SH3GL2: variants seen among roughly 807,000 people sequenced by gnomAD.
SH3GL2 encodes the protein SH3 domain containing GRB2 like 2, endophilin A1.
In SH3GL2, 24 loss-of-function variants were observed where a neutral mutation model predicts 46.0. The ratio of observed to expected loss-of-function variants is 0.52; its 90% CI spans 0.38 to 0.73. The LOEUF is 0.73. Ranked by LOEUF, SH3GL2 falls within the 30% of genes least tolerant of loss-of-function variation. The probability of loss-of-function intolerance (pLI) is 0.00; values close to 1 mark genes in which losing one functional copy is unlikely to be tolerated. For synonymous variants in SH3GL2, 196 were observed against 147.1 expected (o/e 1.33, Z -2.40); for missense variants, 413 against 424.2 (o/e 0.97, Z 0.23).
At chr9:17,663,499 T>A (rs1820271795) in intron 1 of SH3GL2, among the ~76,000 whole-genome samples, 1 of 152,232 alleles carries the variant, frequency 6.6e-6, no homozygotes, top group East Asian at 1.9e-4. Flanking sequence ...TGGGTTTTAG[T>A]AATTTTGTGA....
rs181295165 is a variant in SH3GL2, at chr9:17,758,801, A to G, written c.115-2636A>G. Among the ~76,000 whole-genome samples the G allele has an allele frequency of 4.2e-4, 64 of 152,238 alleles. 1 individual carries two copies. The highest frequency in any genetic ancestry group is 1.3e-3 in the African/African-American group (55 of 41,552). On this transcript the variant is annotated intron_variant, in intron 2 of 8. Transcript: ENST00000380607. ...GTAATGATGCCTGGACTAGGTAACC[A>G]AAAGTGTTGAAGGAGTCTGCCTCAA...
intron 6 of SH3GL2, 38 bp from the exon 7 acceptor site, chr9:17,791,193 G>C (rs16935988): frequency 3.5e-6 from 5 of 1,420,262 alleles, no homozygotes; most frequent in East Asian, 2.3e-5. Context: ...GGATGGTAAC[G>C]TGTAAAACTA....
At chr9:17,596,660 C>T (rs530652063) in intron 1 of SH3GL2, among the ~76,000 whole-genome samples, 96 of 152,200 alleles carry the variant, frequency 6.3e-4, no homozygotes, top group African/African-American at 2.2e-3. Flanking sequence ...AACTTGAATG[C>T]GGAACATTGT....
chr9:17,644,988 T>C (rs1819771731), intron 1 of SH3GL2, among the ~76,000 whole-genome samples: 1 of 152,054 alleles, frequency 6.6e-6, no homozygotes, highest in African/African-American at 2.4e-5. Flanking sequence ...AAGAAGTTGC[T>C]TTATTAATCT....
chr9:17,729,075 C>T (rs1289501939), intron 1 of SH3GL2, among the ~76,000 whole-genome samples: 1 of 151,858 alleles, frequency 6.6e-6, no homozygotes, highest in Non-Finnish European at 1.5e-5. Context: ...CAAATTTATA[C>T]TCCAACTAAC....
At chr9:17,621,491 T>C (rs1038423039) in intron 1 of SH3GL2, among the ~76,000 whole-genome samples, 14 of 152,358 alleles carry the variant, frequency 9.2e-5, no homozygotes, top group African/African-American at 3.4e-4. Flanking sequence ...CTTTGTATCC[T>C]GTGTCTTTAT....
At chr9:17,615,384 CG>C (rs1818964987) in intron 1 of SH3GL2, among the ~76,000 whole-genome samples, 1 of 152,194 alleles carries the variant, frequency 6.6e-6, no homozygotes, top group East Asian at 1.9e-4. Context: ...TGGCTGGGTG[CG>C]GTGGCTCATG....
At chr9:17,686,057 A>T (rs1439500104) in intron 1 of SH3GL2, among the ~76,000 whole-genome samples, 95 of 141,522 alleles carry the variant, frequency 6.7e-4, no homozygotes, top group African/African-American at 2.6e-3. Flanking sequence ...ACAAAGGGCT[A>T]ATATCCAGAA....
chr9:17,678,474 A>T (rs1368864203), intron 1 of SH3GL2, among the ~76,000 whole-genome samples: 1 of 151,750 alleles, frequency 6.6e-6, no homozygotes, highest in Non-Finnish European at 1.5e-5. Flanking sequence ...CCACTTTTTG[A>T]TGGGGTTGTT....
chr9:17,757,080 T>A (rs1563841550), intron 2 of SH3GL2, among the ~76,000 whole-genome samples: 1 of 152,226 alleles, frequency 6.6e-6, no homozygotes, highest in Non-Finnish European at 1.5e-5. Flanking sequence ...TGGCCAGTGA[T>A]GATGAGCATT....
At chr9:17,746,238 G>C (rs1049832785) in intron 1 of SH3GL2, among the ~76,000 whole-genome samples, 1 of 152,108 alleles carries the variant, frequency 6.6e-6, no homozygotes, top group Admixed American at 6.5e-5. Context: ...ACCACGCCCA[G>C]CTAATTTTTT....
intron 1 of SH3GL2, among the ~76,000 whole-genome samples, chr9:17,733,446 C>T (rs1822237673): frequency 1.3e-5 from 2 of 151,772 alleles, no homozygotes. Flanking sequence ...GTTAGAATGG[C>T]AATCATTAAA....
At position 17,746,934 on chromosome 9, in the gene SH3GL2, A is replaced by G. The variant is rs1588297189; in HGVS notation, c.46-132A>G. The G allele has an allele frequency of 8.0e-6, 5 of 624,190 alleles. No individual in the cohort carries two copies. The East Asian group carries it at 1.4e-4, about 18-fold the overall frequency. 38.7% of individuals were successfully genotyped at this position (624,190 alleles called of 1,614,324 possible). On this transcript the variant is annotated intron_variant, in intron 1 of 8. Transcript: ENST00000380607. The stretch of plus-strand genomic sequence containing the variant: ...GCCACAGTTTGCTGCTATAAAAATG[A>G]GACTCTCCACCTAAGTCAGGGAATG...
intron 1 of SH3GL2, among the ~76,000 whole-genome samples, chr9:17,673,900 C>G (rs1321431997): frequency 6.6e-6 from 1 of 152,170 alleles, no homozygotes; most frequent in Non-Finnish European, 1.5e-5. Flanking sequence ...TGACTCTACC[C>G]TAAGGTCTCC....
At chr9:17,725,258 A>G (rs1357324553) in intron 1 of SH3GL2, among the ~76,000 whole-genome samples, 1 of 151,622 alleles carries the variant, frequency 6.6e-6, no homozygotes, top group East Asian at 1.9e-4. Flanking sequence ...CACTCGATTT[A>G]CTCCTGAGTA....
At chr9:17,695,921 T>C (rs1821192470) in intron 1 of SH3GL2, among the ~76,000 whole-genome samples, 1 of 152,180 alleles carries the variant, frequency 6.6e-6, no homozygotes, top group African/African-American at 2.4e-5. Context: ...CTTTTTATAC[T>C]GATGTTGCAT....
chr9:17,789,354 G>A (rs758349691), intron 5 of SH3GL2, 38 bp from the exon 6 acceptor site: 1 of 1,581,572 alleles, frequency 6.3e-7, no homozygotes. Flanking sequence ...TTTTCCATAA[G>A]CCCTTTCAAA....
At chr9:17,739,644 A>G (rs140832665) in intron 1 of SH3GL2, among the ~76,000 whole-genome samples, 58 of 152,140 alleles carry the variant, frequency 3.8e-4, no homozygotes, top group African/African-American at 1.4e-3. Context: ...AGCACATTGT[A>G]TATACTCAAA....
intron 1 of SH3GL2, among the ~76,000 whole-genome samples, chr9:17,609,495 G>A (rs1317072761): frequency 6.6e-6 from 1 of 152,102 alleles, no homozygotes; most frequent in Non-Finnish European, 1.5e-5. Context: ...TGGTGAGCAG[G>A]GGAGCTCTCC....
Sources: gnomAD v4.1 joint callset for allele counts (sites outside exome capture counted in the v4.1 genomes callset) on GRCh38, gnomAD v4.1.1 for gene constraint, MANE v1.5 for transcripts, NCBI Gene and HGNC (gene_info 2026-07-23, HGNC 2026-07-21) for gene names.